Variants in NR3C2 observed in about 807,000 individuals in gnomAD.
NR3C2 encodes the protein nuclear receptor subfamily 3 group C member 2, also known as mineralocorticoid receptor.
Under a neutral mutation model 86.4 loss-of-function variants are expected in NR3C2, and 15 were observed. That is an observed-to-expected ratio of 0.17 (90% CI 0.12 to 0.27). The LOEUF (loss-of-function observed/expected upper bound fraction) is 0.27, where lower values mean the gene tolerates loss of function less well. Ranked by LOEUF, NR3C2 falls within the 10% of genes least tolerant of loss-of-function variation. The probability of loss-of-function intolerance (pLI) is 1.00; values close to 1 mark genes in which losing one functional copy is unlikely to be tolerated. For synonymous variants in NR3C2, 458 were observed against 450.5 expected (o/e 1.02, Z -0.21); for missense variants, 960 against 1,195.6 (o/e 0.80, Z 2.91).
upstream of NR3C2, chr4:148,442,918 G>A: frequency 3.0e-6 from 3 of 985,248 alleles, no homozygotes; most frequent in Non-Finnish European, 3.6e-6. Flanking sequence ...GTTTTTCCGC[G>A]AGCAAAGTGT....
At chr4:148,134,638 TCTC>T (rs1237890423) in intron 6 of NR3C2, among the ~76,000 whole-genome samples, 7 of 119,120 alleles carry the variant, frequency 5.9e-5, no homozygotes, top group South Asian at 2.7e-4. Context: ...TCTCTCTCTC[TCTC>T]TCTTTTTTTT....
chr4:148,188,078 C>T (rs553106880), intron 4 of NR3C2, among the ~76,000 whole-genome samples: 1 of 152,260 alleles, frequency 6.6e-6, no homozygotes, highest in Non-Finnish European at 1.5e-5. Context: ...GTCTATGTAC[C>T]TATTTTTATA....
intron 3 of NR3C2, among the ~76,000 whole-genome samples, chr4:148,205,909 T>C (rs1487028606): frequency 6.6e-6 from 1 of 152,140 alleles, no homozygotes; most frequent in African/African-American, 2.4e-5. Flanking sequence ...GCATCATATA[T>C]TTTGGGATGG....
intron 2 of NR3C2, among the ~76,000 whole-genome samples, chr4:148,367,325 G>A (rs1341171742): frequency 3.3e-5 from 5 of 152,080 alleles, no homozygotes; most frequent in Non-Finnish European, 7.4e-5. Context: ...TTTGGCATAC[G>A]ATAATTGCTC....
chr4:148,142,954 T>C (rs996010919), intron 6 of NR3C2, among the ~76,000 whole-genome samples: 5 of 152,176 alleles, frequency 3.3e-5, no homozygotes, highest in African/African-American at 1.2e-4. Context: ...TACTCTCCCT[T>C]CAGCTTCTGC....
chr4:148,437,015 GC>G (rs1382349320), intron 1 of NR3C2, among the ~76,000 whole-genome samples, 153 bp from the exon 2 acceptor site: 1 of 152,192 alleles, frequency 6.6e-6, no homozygotes, highest in African/African-American at 2.4e-5. Flanking sequence ...CTTTTTGGAT[GC>G]TGACATAACA....
intron 4 of NR3C2, among the ~76,000 whole-genome samples, chr4:148,169,272 G>A (rs558587943): frequency 5.3e-5 from 8 of 152,100 alleles, no homozygotes; most frequent in African/African-American, 1.9e-4. Context: ...ATTATCAGCT[G>A]TTATAGTCCA....
At chr4:148,309,581 A>C (rs1374379448) in intron 2 of NR3C2, among the ~76,000 whole-genome samples, 3 of 8,034 alleles carry the variant, frequency 3.7e-4, no homozygotes, top group Non-Finnish European at 8.6e-4. Flanking sequence ...TAGACTTCAG[A>C]ATCTTCATAT....
intron 6 of NR3C2, among the ~76,000 whole-genome samples, chr4:148,143,199 G>A (rs1365620534): frequency 6.6e-6 from 1 of 152,224 alleles, no homozygotes; most frequent in Non-Finnish European, 1.5e-5. Flanking sequence ...TTCCTGCACA[G>A]AGAACAGACA....
At chr4:148,128,673 G>A (rs1732864897) in intron 6 of NR3C2, among the ~76,000 whole-genome samples, 1 of 151,192 alleles carries the variant, frequency 6.6e-6, no homozygotes, top group South Asian at 2.1e-4. Flanking sequence ...CCTTGATCTT[G>A]TCAAGGGCTC....
At chr4:148,404,495 C>T (rs964313007) in intron 2 of NR3C2, among the ~76,000 whole-genome samples, 5 of 152,062 alleles carry the variant, frequency 3.3e-5, no homozygotes, top group East Asian at 3.9e-4. Flanking sequence ...AGCAGGGACA[C>T]GTTATCTGTG....
In NR3C2 at chr4:148,231,182, G is replaced by A. The variant is rs149380903; in HGVS notation, c.1897+28796C>T. Among the ~76,000 whole-genome samples, 116 of 152,278 alleles carry A rather than the reference G, an allele frequency of 7.6e-4. 2 individuals are homozygous for A. In the East Asian group the frequency reaches 0.018, roughly 23 times the overall value. ...GATGACTAAAAGTATCATTTTCTTAGAGGGATAAAATTCTCTAATGCATGT... is the reference window on the plus strand; with the variant it reads ...GATGACTAAAAGTATCATTTTCTTAAAGGGATAAAATTCTCTAATGCATGT... On this transcript the variant is annotated intron_variant, in intron 3 of 8. Coordinates refer to ENST00000358102, the MANE Select transcript of NR3C2 (RefSeq NM_000901.5).
chr4:148,285,182 C>T lies in NR3C2; in HGVS notation c.1758-25065G>A, dbSNP rs1245120446. ...GGGGGTCTCATAAGAATATTTTCTGCCATAAGAGGAAAGTTATTTACCCCT... is the reference window on the plus strand; with the variant it reads ...GGGGGTCTCATAAGAATATTTTCTGTCATAAGAGGAAAGTTATTTACCCCT... On this transcript the variant is annotated intron_variant, in intron 2 of 8. Transcript: ENST00000358102. 3.3e-5 allele frequency among the ~76,000 whole-genome samples: 5 copies of T among 152,104 alleles called. No homozygotes were observed. The East Asian group carries it at 7.7e-4, about 23-fold the overall frequency.
chr4:148,377,214 T>C (rs1185225368), intron 2 of NR3C2, among the ~76,000 whole-genome samples: 1 of 152,128 alleles, frequency 6.6e-6, no homozygotes, highest in East Asian at 1.9e-4. Flanking sequence ...GGGGATGTGA[T>C]TTGGGGCAGG....
chr4:148,444,480 C>T, upstream of NR3C2: 3 of 978,512 alleles, frequency 3.1e-6, no homozygotes, highest in Non-Finnish European at 3.6e-6. Context: ...GCTCTCCGGA[C>T]CCCCTCTCGC....
chr4:148,199,573 G>C (rs1050333537), intron 3 of NR3C2, among the ~76,000 whole-genome samples: 24 of 152,096 alleles, frequency 1.6e-4, no homozygotes, highest in African/African-American at 5.3e-4. Context: ...ATTTTGCCAG[G>C]AGCCTTGAGG....
chr4:148,435,992 T>C lies in NR3C2; in HGVS notation c.869A>G (p.Asn290Ser), dbSNP rs776662072. ...SVKSPVSSPNNVTLRSSVSSP... is the reference protein window; with the variant it reads ...SVKSPVSSPNSVTLRSSVSSP... ...AGACACAGAGGATCTCAGAGTGACA[T>C]TATTGGGACTGGAGACTGGAGATTT... Residue 290 changes from asparagine (N) to serine (S), a missense_variant, in exon 2 of 9, where the codon AAT (asparagine) becomes AGT (serine). Coordinates refer to ENST00000358102, the MANE Select transcript of NR3C2 (RefSeq NM_000901.5). 13 of 1,614,146 alleles carry C rather than the reference T, an allele frequency of 8.1e-6. No homozygotes were observed. Among genetic ancestry groups the C allele is most frequent in the Non-Finnish European group, 1.1e-5 (13 of 1,180,034 alleles).
At chr4:148,323,574 T>C (rs954368981) in intron 2 of NR3C2, among the ~76,000 whole-genome samples, 1 of 151,766 alleles carries the variant, frequency 6.6e-6, no homozygotes, top group Non-Finnish European at 1.5e-5. Flanking sequence ...CGGGACATAA[T>C]CTCGTGGTGC....
At chr4:148,187,821 A>G (rs951734595) in intron 4 of NR3C2, among the ~76,000 whole-genome samples, 3 of 152,138 alleles carry the variant, frequency 2.0e-5, no homozygotes, top group African/African-American at 7.2e-5. Context: ...GGTTTTTTCC[A>G]ATGTTATCCT....
Sources: gnomAD v4.1 joint callset for allele counts (sites outside exome capture counted in the v4.1 genomes callset) on GRCh38, gnomAD v4.1.1 for gene constraint, MANE v1.5 for transcripts, NCBI Gene and HGNC (gene_info 2026-07-23, HGNC 2026-07-21) for gene names.